Variants in PCDH11X observed in about 807,000 individuals in gnomAD.
PCDH11X encodes the protein protocadherin 11 X-linked.
In PCDH11X, 18 loss-of-function variants were observed where a neutral mutation model predicts 53.3. That is an observed-to-expected ratio of 0.34 (90% CI 0.23 to 0.50). The LOEUF is 0.50. Ranked by LOEUF, PCDH11X falls within the 20% of genes least tolerant of loss-of-function variation. PCDH11X has a pLI of 0.98. For missense variants in PCDH11X, 570 were observed against 1,032.4 expected (o/e 0.55, Z 6.14); for synonymous variants, 279 against 393.3 (o/e 0.71, Z 3.44).
intron 6 of PCDH11X, among the ~76,000 whole-genome samples, chrX:92,071,890 T>C (rs2063707804): frequency 8.9e-6 from 1 of 112,091 alleles, no homozygotes; most frequent in Admixed American, 9.4e-5. Context: ...AGCGCAGTTC[T>C]GGCCCTTGCC....
intron 10 of PCDH11X, among the ~76,000 whole-genome samples, chrX:92,484,209 A>ATATATG (rs1485563040): frequency 2.7e-5 from 2 of 73,189 alleles, no homozygotes; most frequent in Non-Finnish European, 4.6e-5. Flanking sequence ...GTATATATGT[A>ATATATG]TATATATGTA....
rs772965937 is a variant in PCDH11X, at chrX:92,397,485, G to A, written c.3343+9552G>A. Among the ~76,000 whole-genome samples, 7 of 108,728 alleles carry A rather than the reference G, an allele frequency of 6.4e-5. No individual in the cohort carries two copies. In the East Asian group the frequency reaches 1.5e-3, roughly 23 times the overall value. 94.4% of individuals were successfully genotyped at this position (108,728 alleles called of 115,157 possible). A position where few individuals can be genotyped will look rare whatever the true frequency, so the allele number is the denominator to read the frequency against. On this transcript the variant is annotated intron_variant, in intron 9 of 10. Transcript: ENST00000682573. Reference sequence around the variant, plus strand: ...AGGAGTCAATTTTTTTTTTTTGGGTGGGGGGACGGAATCTCACTGTCACCC... The same window carrying A: ...AGGAGTCAATTTTTTTTTTTTGGGTAGGGGGACGGAATCTCACTGTCACCC...
At chrX:92,030,252 C>A (rs1368098012) in intron 6 of PCDH11X, among the ~76,000 whole-genome samples, 1 of 111,680 alleles carries the variant, frequency 9.0e-6, no homozygotes, top group Admixed American at 9.5e-5. Flanking sequence ...TGAGCCATCG[C>A]GCCTGGCCAA....
At chrX:91,830,095 A>G (rs1937057776) in intron 4 of PCDH11X, among the ~76,000 whole-genome samples, 1 of 111,471 alleles carries the variant, frequency 9.0e-6, no homozygotes, top group Non-Finnish European at 1.9e-5. Context: ...TCCCTAAATC[A>G]TATATCAAAA....
intron 8 of PCDH11X, among the ~76,000 whole-genome samples, chrX:92,361,970 C>T (rs2070357239): frequency 9.0e-6 from 1 of 111,525 alleles, no homozygotes; most frequent in African/African-American, 3.3e-5. Context: ...TCAAGGTACA[C>T]CCACATTGTA....
intron 8 of PCDH11X, among the ~76,000 whole-genome samples, chrX:92,358,944 T>C (rs763097377): frequency 1.8e-5 from 2 of 108,367 alleles, no homozygotes; most frequent in African/African-American, 6.7e-5. Context: ...TCTGCAGTCC[T>C]TCAGCCTTAC....
intron 6 of PCDH11X, among the ~76,000 whole-genome samples, chrX:92,103,018 G>C (rs1335271562): frequency 9.0e-6 from 1 of 110,571 alleles, no homozygotes; most frequent in Non-Finnish European, 1.9e-5. Context: ...GGGTGATTAG[G>C]TTTTAATGGG....
At chrX:91,838,147 ATG>A (rs1220883328) in intron 5 of PCDH11X, among the ~76,000 whole-genome samples, 1 of 111,791 alleles carries the variant, frequency 8.9e-6, no homozygotes, top group Non-Finnish European at 1.9e-5. Flanking sequence ...GGGCAGCTTA[ATG>A]AACTTCCAAG....
chrX:92,301,892 A>C (rs1043388175), intron 8 of PCDH11X, among the ~76,000 whole-genome samples: 1 of 110,292 alleles, frequency 9.1e-6, no homozygotes. Flanking sequence ...CAGTGAAACT[A>C]CCTGGTCCTG....
intron 6 of PCDH11X, among the ~76,000 whole-genome samples, chrX:92,029,255 G>T (rs1216664993): frequency 9.0e-6 from 1 of 111,108 alleles, no homozygotes. Context: ...TATATCTAAA[G>T]TCCAGTGTCC....
chrX:92,025,729 A>C (rs1260608023), intron 6 of PCDH11X, among the ~76,000 whole-genome samples: 2 of 105,217 alleles, frequency 1.9e-5, no homozygotes, highest in East Asian at 6.0e-4. Flanking sequence ...AATATAAATC[A>C]TTCTACTATA....
At chrX:92,266,428 A>G (rs1014631169) in intron 8 of PCDH11X, among the ~76,000 whole-genome samples, 2 of 112,152 alleles carry the variant, frequency 1.8e-5, no homozygotes, top group Non-Finnish European at 3.8e-5. Flanking sequence ...AGAAGAAGAT[A>G]ATTTCTCAAT....
At chrX:92,514,243 A>T (rs1261799911) in intron 10 of PCDH11X, among the ~76,000 whole-genome samples, 2 of 104,999 alleles carry the variant, frequency 1.9e-5, no homozygotes. Flanking sequence ...TGAAATACCC[A>T]GTTCATATGG....
chrX:91,795,999 A>T (rs767081678), intron 1 of PCDH11X, among the ~76,000 whole-genome samples: 83 of 112,227 alleles, frequency 7.4e-4, no homozygotes, highest in African/African-American at 2.6e-3. Context: ...CTAACACATT[A>T]GACTTTTAAT....
chrX:91,939,738 G>A (rs75166960), intron 6 of PCDH11X, among the ~76,000 whole-genome samples: 7,954 of 110,141 alleles, frequency 0.072, 286 homozygotes, highest in African/African-American at 0.12. Context: ...CTAGAATTTT[G>A]TATCCAATGA....
At chrX:92,080,398 T>C (rs545385820) in intron 6 of PCDH11X, among the ~76,000 whole-genome samples, 2 of 111,164 alleles carry the variant, frequency 1.8e-5, no homozygotes. Flanking sequence ...GTTGTTGATG[T>C]TGTATTACTC....
At chrX:92,110,549 G>T (rs1196551562) in intron 6 of PCDH11X, among the ~76,000 whole-genome samples, 2 of 110,596 alleles carry the variant, frequency 1.8e-5, no homozygotes, top group African/African-American at 3.3e-5. Context: ...ACAAGGGGGG[G>T]GCAGAGGAAA....
chrX:92,568,289 G>A (rs112180832), intron 10 of PCDH11X, among the ~76,000 whole-genome samples: 1,967 of 109,574 alleles, frequency 0.018, 56 homozygotes, highest in African/African-American at 0.062. Flanking sequence ...CGGCGTGGTG[G>A]CGGGCGCCTG....
intron 1 of PCDH11X, among the ~76,000 whole-genome samples, chrX:91,786,147 C>T (rs1935328953): frequency 9.1e-6 from 1 of 110,467 alleles, no homozygotes; most frequent in African/African-American, 3.3e-5. Flanking sequence ...AGGATTTAAA[C>T]TGCCCTTTTA....
Sources: gnomAD v4.1 joint callset for allele counts (sites outside exome capture counted in the v4.1 genomes callset) on GRCh38, gnomAD v4.1.1 for gene constraint, MANE v1.5 for transcripts, NCBI Gene and HGNC (gene_info 2026-07-23, HGNC 2026-07-21) for gene names.